LRBA: variants seen among roughly 807,000 people sequenced by gnomAD.
LRBA encodes lipopolysaccharide-responsive and beige-like anchor protein.
A neutral mutation model predicts 330.0 loss-of-function variants in LRBA; 176 were observed. That is an observed-to-expected ratio of 0.53 (90% CI 0.47 to 0.60). LRBA has a LOEUF of 0.60. Among genes scored for constraint, LRBA ranks in the 20% least tolerant of loss-of-function variants. LRBA has a pLI of 0.00. For synonymous variants in LRBA, 1,230 were observed against 1,193.0 expected (o/e 1.03, Z -0.64); for missense variants, 3,259 against 3,444.8 (o/e 0.95, Z 1.35).
chr4:150,849,589 AATG>A lies in LRBA; in HGVS notation c.4005-17_4005-15del, dbSNP rs1750353106. ...TTTGTTGAATGGCTGTCCAAAGATAAATGATATTTACTGATAAAGCTAAAGAAA... is the reference window on the plus strand; with the variant it reads ...TTTGTTGAATGGCTGTCCAAAGATAAATATTTACTGATAAAGCTAAAGAAA... On this transcript the variant is annotated splice_polypyrimidine_tract_variant and intron_variant, in intron 24 of 56. Coordinates refer to ENST00000651943, the MANE Select transcript of LRBA (RefSeq NM_001364905.1). The A allele has an allele frequency of 1.9e-6, 3 of 1,604,452 alleles. No homozygotes were observed. Among genetic ancestry groups the A allele is most frequent in the African/African-American group, 1.3e-5 (1 of 74,876 alleles).
intron 42 of LRBA, among the ~76,000 whole-genome samples, chr4:150,479,803 C>T (rs1201882828): frequency 1.3e-5 from 2 of 152,180 alleles, no homozygotes; most frequent in Admixed American, 6.5e-5. Flanking sequence ...TCATGTAACA[C>T]TCCAGTAACA....
chr4:150,690,260 T>C (rs1054914957), intron 36 of LRBA, among the ~76,000 whole-genome samples: 3 of 151,968 alleles, frequency 2.0e-5, no homozygotes, highest in Non-Finnish European at 4.4e-5. Context: ...TCCCAGCACT[T>C]TGGGAGGCCG....
chr4:150,445,337 C>A (rs938769714), intron 44 of LRBA, among the ~76,000 whole-genome samples: 15 of 139,642 alleles, frequency 1.1e-4, no homozygotes, highest in African/African-American at 4.0e-4. Context: ...GTTTTAATTT[C>A]GGAAAACCTC....
intron 28 of LRBA, among the ~76,000 whole-genome samples, chr4:150,838,159 C>T (rs112329237): frequency 6.6e-5 from 10 of 152,276 alleles, no homozygotes; most frequent in Non-Finnish European, 1.2e-4. Context: ...CCAAGAGATC[C>T]GCTCTTAGTC....
chr4:150,783,103 C>T (rs1284900167), intron 34 of LRBA, among the ~76,000 whole-genome samples: 1 of 152,134 alleles, frequency 6.6e-6, no homozygotes, highest in East Asian at 1.9e-4. Context: ...AAGCTGATAT[C>T]ACACCGAGCA....
intron 22 of LRBA, among the ~76,000 whole-genome samples, chr4:150,861,664 C>T (rs1465284987): frequency 1.3e-5 from 2 of 152,116 alleles, no homozygotes; most frequent in African/African-American, 2.4e-5. Context: ...ATAGGCTACA[C>T]TAAATTTATT....
intron 34 of LRBA, among the ~76,000 whole-genome samples, chr4:150,791,723 T>C (rs1446276456): frequency 2.6e-5 from 4 of 152,086 alleles, no homozygotes; most frequent in Admixed American, 6.5e-5. Context: ...GTGAAAGAAA[T>C]GCATAATGAA....
chr4:150,852,342 G>C lies in LRBA; in HGVS notation c.3368C>G (p.Ala1123Gly). The change falls in exon 23 of 57, where the codon GCT (alanine) becomes GGT (glycine). Residue 1123 changes from alanine to glycine, a missense_variant. Coordinates refer to ENST00000651943, the MANE Select transcript of LRBA (RefSeq NM_001364905.1). ...LKVEGSPTEE[A>G]NLPTELQDNS... Reference sequence around the variant, plus strand: ...ATCTTGGAGCTCTGTGGGTAGATTAGCTTCCTCAGTAGGACTGCCTTCTAC... The same window carrying C: ...ATCTTGGAGCTCTGTGGGTAGATTACCTTCCTCAGTAGGACTGCCTTCTAC... 1 of 1,613,888 alleles carries C rather than the reference G, an allele frequency of 6.2e-7. No individual in the cohort carries two copies. The highest frequency in any genetic ancestry group is 8.5e-7 in the Non-Finnish European group (1 of 1,180,002).
intron 22 of LRBA, among the ~76,000 whole-genome samples, chr4:150,856,968 C>T (rs1344073798): frequency 6.6e-6 from 1 of 152,154 alleles, no homozygotes; most frequent in Non-Finnish European, 1.5e-5. Flanking sequence ...AAACACAATA[C>T]ATCCAGATGT....
intron 36 of LRBA, among the ~76,000 whole-genome samples, chr4:150,701,158 A>G (rs1376399508): frequency 6.6e-6 from 1 of 152,218 alleles, no homozygotes; most frequent in Non-Finnish European, 1.5e-5. Context: ...GATAATGAAT[A>G]TCACTGCCTT....
chr4:150,459,548 A>T (rs1754500260), intron 44 of LRBA, among the ~76,000 whole-genome samples: 1 of 150,856 alleles, frequency 6.6e-6, no homozygotes, highest in Admixed American at 6.6e-5. Flanking sequence ...TGTAAAATAA[A>T]GACAATAACA....
At chr4:150,809,717 T>C (rs919301669) in intron 31 of LRBA, among the ~76,000 whole-genome samples, 2 of 151,972 alleles carry the variant, frequency 1.3e-5, no homozygotes, top group Non-Finnish European at 2.9e-5. Flanking sequence ...TGGCCAGGAA[T>C]GGTTGTGTGT....
rs181945641 is a variant in LRBA, at chr4:150,583,095, G to A, written c.6330+4953C>T. On this transcript the variant is annotated intron_variant, in intron 40 of 56. Transcript: ENST00000651943. The surrounding 1 kb of genome is among the most constrained non-coding windows in gnomAD (Gnocchi z 9.8). ...AGTACTACACTGAGCGCTGTCAGGC[G>A]CGCAAGGCGGCCATCGCCAAAACCA... The A allele has an allele frequency of 1.7e-5, 27 of 1,614,140 alleles. No individual in the cohort carries two copies. The African/African-American group carries it at 2.5e-4, about 15-fold the overall frequency.
chr4:150,817,553 A>G (rs1208841310), intron 30 of LRBA, among the ~76,000 whole-genome samples: 1 of 151,952 alleles, frequency 6.6e-6, no homozygotes, highest in Non-Finnish European at 1.5e-5. Flanking sequence ...AAATATAACC[A>G]AAAGTATTAA....
At chr4:150,338,935 T>G (rs1735094718) in intron 48 of LRBA, among the ~76,000 whole-genome samples, 1 of 149,288 alleles carries the variant, frequency 6.7e-6, no homozygotes, top group African/African-American at 2.5e-5. Flanking sequence ...ATAAATACAT[T>G]TTTAAAGCAC....
At chr4:150,276,469 A>G (rs1746772661) in intron 56 of LRBA, among the ~76,000 whole-genome samples, 1 of 152,234 alleles carries the variant, frequency 6.6e-6, no homozygotes, top group Non-Finnish European at 1.5e-5. Context: ...AGCAAAAGAA[A>G]CTATCATCAG....
intron 33 of LRBA, among the ~76,000 whole-genome samples, chr4:150,799,583 T>C (rs1162454579): frequency 6.6e-6 from 1 of 152,248 alleles, no homozygotes; most frequent in East Asian, 1.9e-4. Context: ...CGAGAGAAAC[T>C]AGAATTCCTG....
chr4:150,831,741 A>G, intron 29 of LRBA, 76 bp downstream of exon 29: 3 of 1,133,750 alleles, frequency 2.6e-6, no homozygotes, highest in Non-Finnish European at 1.2e-6. Flanking sequence ...AAATTCCAAT[A>G]TCAATATTTT....
chr4:150,305,629 C>T (rs1347194383), intron 52 of LRBA, among the ~76,000 whole-genome samples: 1 of 152,004 alleles, frequency 6.6e-6, no homozygotes, highest in African/African-American at 2.4e-5. Context: ...GGATTAATGA[C>T]AATAACAAGA....
Sources: gnomAD v4.1 joint callset for allele counts (sites outside exome capture counted in the v4.1 genomes callset) on GRCh38, gnomAD v4.1.1 for gene constraint, Gnocchi (gnomAD v3.1) non-coding constraint, MANE v1.5 for transcripts, NCBI Gene and HGNC (gene_info 2026-07-23, HGNC 2026-07-21) for gene names.